PIP4P2: variants seen among roughly 807,000 people sequenced by gnomAD.
The protein encoded by PIP4P2 is type 2 phosphatidylinositol 4,5-bisphosphate 4-phosphatase.
Under a neutral mutation model 33.3 loss-of-function variants are expected in PIP4P2, and 19 were observed. The observed-to-expected ratio is 0.57, with a 90% CI of 0.40 to 0.84. The LOEUF (loss-of-function observed/expected upper bound fraction) is 0.84, where lower values mean the gene tolerates loss of function less well. Among genes scored for constraint, PIP4P2 ranks in the 40% least tolerant of loss-of-function variants. The probability of loss-of-function intolerance (pLI) is 0.00; values close to 1 mark genes in which losing one functional copy is unlikely to be tolerated. For synonymous variants in PIP4P2, 110 were observed against 111.9 expected (o/e 0.98, Z 0.11); for missense variants, 270 against 324.7 (o/e 0.83, Z 1.29).
chr8:91,017,268 G>A (rs1056301399), intron 4 of PIP4P2, among the ~76,000 whole-genome samples: 9 of 152,068 alleles, frequency 5.9e-5, no homozygotes, highest in African/African-American at 2.2e-4. Context: ...GTGTGGTGGT[G>A]TGCACCTATA....
chr8:91,040,376 A>C (rs1812287062), intron 1 of PIP4P2, among the ~76,000 whole-genome samples: 1 of 149,444 alleles, frequency 6.7e-6, no homozygotes, highest in Non-Finnish European at 1.5e-5. Flanking sequence ...AGAAGTGGTG[A>C]AATACACACA....
At chr8:91,006,576 C>A (rs10956787) in intron 5 of PIP4P2, among the ~76,000 whole-genome samples, 145,293 of 152,318 alleles carry the variant, frequency 0.95, 69,381 homozygotes, top group East Asian at 1. Context: ...TTACAAAAAT[C>A]ATCCCTGTAT....
rs1352196935 is a variant in PIP4P2, at chr8:90,994,139, G to T, written c.*1538C>A. On this transcript the variant is annotated 3_prime_UTR_variant, in exon 7 of 7. Coordinates refer to ENST00000285419, the MANE Select transcript of PIP4P2 (RefSeq NM_018710.3). Reference sequence around the variant, plus strand: ...CTATATTTTAAAAATAAAACCATTTGAAAATAGTACAAAAAACATAAATGA... The same window carrying T: ...CTATATTTTAAAAATAAAACCATTTTAAAATAGTACAAAAAACATAAATGA... 6.6e-6 allele frequency: 1 copy of T among 151,970 alleles called. No homozygotes were observed. The highest frequency in any genetic ancestry group is 1.5e-5 in the Non-Finnish European group (1 of 67,944). 9.4% of individuals were successfully genotyped at this position (151,970 alleles called of 1,614,324 possible). A position where few individuals can be genotyped will look rare whatever the true frequency, so the allele number is the denominator to read the frequency against.
At chr8:91,039,803 C>G (rs893381929) in intron 1 of PIP4P2, among the ~76,000 whole-genome samples, 2 of 151,924 alleles carry the variant, frequency 1.3e-5, no homozygotes, top group Admixed American at 6.6e-5. Context: ...GAACAACGAT[C>G]GATTTTTAAA....
At chr8:91,038,889 C>T (rs1812268914) in intron 1 of PIP4P2, among the ~76,000 whole-genome samples, 1 of 152,074 alleles carries the variant, frequency 6.6e-6, no homozygotes, top group Non-Finnish European at 1.5e-5. Context: ...TTGAATTTCT[C>T]TGGTTGTTAA....
At chr8:91,017,791 ATTATGAATTTAACT>A (rs1285530902) in intron 4 of PIP4P2, among the ~76,000 whole-genome samples, 1 of 152,146 alleles carries the variant, frequency 6.6e-6, no homozygotes, top group Non-Finnish European at 1.5e-5. Flanking sequence ...GGGTAAGTTA[ATTATGAATTTAACT>A]TTAAAAAAAA....
chr8:91,025,089 G>A (rs1812066219), intron 1 of PIP4P2, among the ~76,000 whole-genome samples: 1 of 151,484 alleles, frequency 6.6e-6, no homozygotes, highest in Non-Finnish European at 1.5e-5. Flanking sequence ...CCAATGGGGG[G>A]ATTTTTCTAG....
At position 91,008,896 on chromosome 8, in the gene PIP4P2, C is replaced by T. The variant is rs943873339; in HGVS notation, c.487-101G>A. 16 of 935,772 alleles carry T rather than the reference C, an allele frequency of 1.7e-5. No individual in the cohort carries two copies. In the African/African-American group the frequency reaches 1.8e-4, roughly 10 times the overall value. The allele number at this position is 935,772 out of a possible 1,614,324, so 58.0% of individuals were successfully genotyped here. A position where few individuals can be genotyped will look rare whatever the true frequency, so the allele number is the denominator to read the frequency against. On this transcript the variant is annotated intron_variant, in intron 4 of 6. Coordinates refer to ENST00000285419, the MANE Select transcript of PIP4P2 (RefSeq NM_018710.3). ...CTTTAAATGTCATCAGGGATCACAA[C>T]AGAAGCAATCACCTTCTCACGGTTA...
At chr8:91,004,742 G>C (rs541576971) in intron 5 of PIP4P2, among the ~76,000 whole-genome samples, 3 of 152,120 alleles carry the variant, frequency 2.0e-5, no homozygotes, top group Non-Finnish European at 4.4e-5. Context: ...AGTGAGCATG[G>C]ATAAAGACAG....
intron 5 of PIP4P2, among the ~76,000 whole-genome samples, chr8:90,999,849 T>G (rs1811679230): frequency 6.6e-6 from 1 of 152,066 alleles, no homozygotes; most frequent in Admixed American, 6.6e-5. Flanking sequence ...TAGCTGTTCT[T>G]ACATCTAGTC....
chr8:91,011,272 T>C (rs1183896108), intron 4 of PIP4P2, among the ~76,000 whole-genome samples: 1 of 152,030 alleles, frequency 6.6e-6, no homozygotes, highest in Non-Finnish European at 1.5e-5. Context: ...CCTCAGTCAA[T>C]GTTGATTAAC....
At position 91,026,125 on chromosome 8, in the gene PIP4P2, C is replaced by T. The variant is rs78365004; in HGVS notation, c.107-4721G>A. On this transcript the variant is annotated intron_variant, in intron 1 of 6. Transcript: ENST00000285419. ...CAAACCACATTTTGGTTTTGTCAGCCGGCTCCAGGATATGTTCTTAATAGG... is the reference window on the plus strand; with the variant it reads ...CAAACCACATTTTGGTTTTGTCAGCTGGCTCCAGGATATGTTCTTAATAGG... Among the ~76,000 whole-genome samples, 31 of 152,208 alleles carry T rather than the reference C, an allele frequency of 2.0e-4. No individual in the cohort carries two copies. The East Asian group carries it at 2.7e-3, about 13-fold the overall frequency.
rs1811594340 is a variant in PIP4P2, at chr8:90,993,935, TAA to T, written c.*1740_*1741del. 6.6e-6 allele frequency: 1 copy of T among 152,180 alleles called. No homozygotes were observed. The highest frequency in any genetic ancestry group is 1.5e-5 in the Non-Finnish European group (1 of 68,002). The allele number at this position is 152,180 out of a possible 1,614,324, so 9.4% of individuals were successfully genotyped here. ...AAGACTACCAGGGTTCTTGCTCTCATAAAGTTATTATTCCAGAAGGAATATGA... is the reference window on the plus strand; with the variant it reads ...AAGACTACCAGGGTTCTTGCTCTCATAGTTATTATTCCAGAAGGAATATGA... On this transcript the variant is annotated 3_prime_UTR_variant, in exon 7 of 7. Coordinates refer to ENST00000285419, the MANE Select transcript of PIP4P2 (RefSeq NM_018710.3).
intron 5 of PIP4P2, among the ~76,000 whole-genome samples, chr8:91,005,823 AT>A (rs965315130): frequency 1.0e-3 from 157 of 152,318 alleles, no homozygotes; most frequent in African/African-American, 3.6e-3. Flanking sequence ...CCATTATAAC[AT>A]TTGCATGGAA....
chr8:90,996,554 G>T, intron 6 of PIP4P2, 100 bp downstream of exon 6: 2 of 898,428 alleles, frequency 2.2e-6, no homozygotes, highest in Non-Finnish European at 3.3e-6. Context: ...TGCCAAGGAG[G>T]CAGCCTCTTC....
rs1223908239 is a variant in PIP4P2, at chr8:91,040,848, G to C, written c.-99C>G. 43 of 1,140,912 alleles carry C rather than the reference G, an allele frequency of 3.8e-5. No individual in the cohort carries two copies. Among genetic ancestry groups the C allele is most frequent in the Non-Finnish European group, 5.2e-5 (41 of 795,036 alleles). 70.7% of individuals were successfully genotyped at this position (1,140,912 alleles called of 1,614,324 possible). A position where few individuals can be genotyped will look rare whatever the true frequency, so the allele number is the denominator to read the frequency against. On this transcript the variant is annotated 5_prime_UTR_variant, in exon 1 of 7. Transcript: ENST00000285419. ...TGCCTCTGCTGCCGCTGCTGCCGCT[G>C]CAGCTGCTGCTGCTGCCGCCTCCGG...
intron 1 of PIP4P2, among the ~76,000 whole-genome samples, chr8:91,022,924 C>T (rs987671121): frequency 7.2e-5 from 11 of 152,030 alleles, no homozygotes; most frequent in African/African-American, 2.7e-4. Context: ...CACTGCCAAA[C>T]ACTGAAATTC....
intron 6 of PIP4P2, 67 bp from the exon 7 acceptor site, chr8:90,995,887 G>A (rs946603492): frequency 3.8e-5 from 57 of 1,482,196 alleles, no homozygotes; most frequent in Non-Finnish European, 4.9e-5. Flanking sequence ...TAGGGAACTT[G>A]TATCAGCTTA....
chr8:91,001,861 A>T (rs1675015652), intron 5 of PIP4P2, among the ~76,000 whole-genome samples: 1 of 152,074 alleles, frequency 6.6e-6, no homozygotes, highest in Non-Finnish European at 1.5e-5. Flanking sequence ...TTTCCTACAT[A>T]CAGAACTTTC....
Sources: allele counts gnomAD v4.1 joint callset (sites outside exome capture counted in the v4.1 genomes callset), GRCh38; gene constraint gnomAD v4.1.1; transcripts MANE v1.5; gene names NCBI Gene and HGNC (gene_info 2026-07-23, HGNC 2026-07-21).